Variants in SGCD observed in about 807,000 individuals in gnomAD.
SGCD encodes delta-sarcoglycan.
A neutral mutation model predicts 36.6 loss-of-function variants in SGCD; 18 were observed. The observed-to-expected ratio is 0.49, with a 90% CI of 0.34 to 0.73. The LOEUF is 0.73. SGCD is among the 30% of genes least tolerant of loss of function. The probability of loss-of-function intolerance (pLI) is 0.01; values close to 1 mark genes in which losing one functional copy is unlikely to be tolerated. For missense variants in SGCD, 387 were observed against 346.7 expected, an observed-to-expected ratio of 1.12 and a Z score of -0.92; for synonymous variants, 133 against 130.6, an observed-to-expected ratio of 1.02 and a Z score of -0.12.
intron 1 of SGCD, among the ~76,000 whole-genome samples, chr5:155,937,770 G>A (rs780629903): frequency 1.3e-5 from 2 of 152,210 alleles, no homozygotes; most frequent in Non-Finnish European, 2.9e-5. Context: ...CAAATGTGAC[G>A]TGGACACTGT....
At chr5:155,928,049 A>G (rs1047141741) in intron 1 of SGCD, among the ~76,000 whole-genome samples, 4 of 152,198 alleles carry the variant, frequency 2.6e-5, no homozygotes, top group Admixed American at 6.5e-5. Flanking sequence ...ATGAAATCTC[A>G]TATTTGTAAA....
At chr5:156,087,525 A>G (rs149765123) in intron 1 of SGCD, among the ~76,000 whole-genome samples, 7 of 151,870 alleles carry the variant, frequency 4.6e-5, no homozygotes, top group African/African-American at 1.7e-4. Context: ...CTGTAGTTCC[A>G]GCTACTCAGG....
At chr5:155,972,454 G>A (rs1337621508) in intron 1 of SGCD, among the ~76,000 whole-genome samples, 1 of 151,922 alleles carries the variant, frequency 6.6e-6, no homozygotes, top group African/African-American at 2.4e-5. Context: ...TATTTTTAAT[G>A]ACTACATGGT....
At chr5:155,817,048 A>G in the SGCD span, among the ~76,000 whole-genome samples, 2 of 152,178 alleles carry the variant, frequency 1.3e-5, no homozygotes, top group Non-Finnish European at 2.9e-5. Context: ...TGTATTTTGC[A>G]TCTCTTATTT....
intron 4 of SGCD, 37 bp downstream of exon 4, chr5:156,508,739 C>T: frequency 8.2e-7 from 1 of 1,216,822 alleles, no homozygotes; most frequent in South Asian, 1.3e-5. Context: ...ATTATTGTTG[C>T]TCTAGAATCT....
intron 6 of SGCD, among the ~76,000 whole-genome samples, chr5:156,632,847 G>T (rs764378375): frequency 1.3e-5 from 2 of 152,180 alleles, no homozygotes; most frequent in Non-Finnish European, 2.9e-5. Context: ...ATATGGAGAT[G>T]GGGGAGGCAT....
At chr5:156,174,967 A>T (rs28727543) in intron 3 of SGCD, among the ~76,000 whole-genome samples, 4,007 of 152,152 alleles carry the variant, frequency 0.026, 186 homozygotes, top group African/African-American at 0.092. Context: ...ATAGGATTTT[A>T]AAAAAAAGAT....
chr5:155,911,315 G>GTA lies in SGCD; in HGVS notation c.-282+40892_-282+40893insAT, dbSNP rs200393489. On this transcript the variant is annotated intron_variant, in intron 1 of 9. Coordinates refer to the SGCD transcript ENST00000517913. Reference sequence around the variant, plus strand: ...TATATGTGTGTGTGTGTGTGTGTGTGTGTGTATATATATATATATATTTCC... The same window carrying GTA: ...TATATGTGTGTGTGTGTGTGTGTGTGTATGTGTATATATATATATATATTTCC... Among the ~76,000 whole-genome samples, 382 of 119,440 alleles carry GTA rather than the reference G, an allele frequency of 3.2e-3. 3 individuals carry two copies. Among genetic ancestry groups the GTA allele is most frequent in the African/African-American group, 0.012 (367 of 31,584 alleles). 78.4% of individuals were successfully genotyped at this position (119,440 alleles called of 152,430 possible).
intron 7 of SGCD, among the ~76,000 whole-genome samples, chr5:156,681,745 C>A (rs576942303): frequency 6.6e-6 from 1 of 152,190 alleles, no homozygotes; most frequent in Admixed American, 6.5e-5. Context: ...TGGGGGAGAA[C>A]AAACACAATT....
chr5:155,826,478 C>T, the SGCD span, among the ~76,000 whole-genome samples: 1 of 152,126 alleles, frequency 6.6e-6, no homozygotes, highest in African/African-American at 2.4e-5. Flanking sequence ...CTCACTCTTC[C>T]CACTGTGGCT....
rs74394519 is a variant in SGCD, at chr5:156,553,976, G to A, written c.295-35255G>A. On this transcript the variant is annotated intron_variant, in intron 4 of 8. Transcript: ENST00000337851. Reference sequence around the variant, plus strand: ...TCAATTATCTTGGTTATATACAGTCGTCCCCCTTAATCCGTGGTTGTACTT... The same window carrying A: ...TCAATTATCTTGGTTATATACAGTCATCCCCCTTAATCCGTGGTTGTACTT... 9.0e-3 allele frequency among the ~76,000 whole-genome samples: 1,358 copies of A among 151,200 alleles called. 8 individuals are homozygous for A. The highest frequency in any genetic ancestry group is 0.031 in the African/African-American group (1,253 of 40,586).
chr5:156,646,075 TC>T, intron 6 of SGCD, among the ~76,000 whole-genome samples: 1 of 152,196 alleles, frequency 6.6e-6, no homozygotes, highest in East Asian at 1.9e-4. Context: ...TTTGAAATCT[TC>T]CCCTAAGAAG....
At chr5:156,048,284 C>T (rs111762202) in intron 1 of SGCD, among the ~76,000 whole-genome samples, 17,299 of 152,094 alleles carry the variant, frequency 0.11, 2,769 homozygotes, top group African/African-American at 0.36. Context: ...AATAAACATA[C>T]GTGTGCATGT....
At chr5:155,858,753 G>A in the SGCD span, among the ~76,000 whole-genome samples, 1 of 152,158 alleles carries the variant, frequency 6.6e-6, no homozygotes, top group South Asian at 2.1e-4. Flanking sequence ...CCTGATTCAA[G>A]GTGTCATCTG....
intron 1 of SGCD, among the ~76,000 whole-genome samples, chr5:155,928,059 A>T (rs1757027323): frequency 6.6e-6 from 1 of 152,176 alleles, no homozygotes; most frequent in South Asian, 2.1e-4. Context: ...ATATTTGTAA[A>T]ATAGGCATTA....
chr5:156,407,394 G>A (rs1772484533), intron 3 of SGCD, among the ~76,000 whole-genome samples: 1 of 152,182 alleles, frequency 6.6e-6, no homozygotes, highest in African/African-American at 2.4e-5. Flanking sequence ...CTCTGAAGTA[G>A]CATTCTTCCT....
At chr5:156,078,846 A>G (rs954761260) in intron 1 of SGCD, among the ~76,000 whole-genome samples, 2 of 150,668 alleles carry the variant, frequency 1.3e-5, no homozygotes, top group Admixed American at 6.6e-5. Flanking sequence ...ACTTACACTT[A>G]TTTGTGTGTA....
At chr5:155,780,670 T>A in the SGCD span, among the ~76,000 whole-genome samples, 1 of 152,150 alleles carries the variant, frequency 6.6e-6, no homozygotes, top group Non-Finnish European at 1.5e-5. Context: ...TTTCATTAGG[T>A]GCAAAGGTGA....
chr5:156,161,576 A>G (rs1763087881), intron 3 of SGCD, among the ~76,000 whole-genome samples: 1 of 151,908 alleles, frequency 6.6e-6, no homozygotes, highest in South Asian at 2.1e-4. Context: ...CAGAAATAAA[A>G]CCAAGGCTAT....
Sources: allele counts gnomAD v4.1 joint callset (sites outside exome capture counted in the v4.1 genomes callset), GRCh38; gene constraint gnomAD v4.1.1; transcripts MANE v1.5; gene names NCBI Gene and HGNC (gene_info 2026-07-23, HGNC 2026-07-21).